The following LOXHD1 variants were observed in gnomAD, a reference collection of about 807,000 sequenced individuals.
LOXHD1 encodes the protein lipoxygenase homology PLAT domains 1.
LOXHD1 carries 205 observed loss-of-function variants against 248.2 expected under a neutral mutation model. The observed-to-expected ratio is 0.83, with a 90% CI of 0.74 to 0.93. The LOEUF (loss-of-function observed/expected upper bound fraction) is 0.93, where lower values mean the gene tolerates loss of function less well. Among genes scored for constraint, LOXHD1 ranks in the 40% least tolerant of loss-of-function variants. The probability of loss-of-function intolerance (pLI) is 0.00; values close to 1 mark genes in which losing one functional copy is unlikely to be tolerated. For missense variants in LOXHD1, 2,930 were observed against 2,971.6 expected, an observed-to-expected ratio of 0.99 and a Z score of 0.33; for synonymous variants, 1,113 against 1,162.8, an observed-to-expected ratio of 0.96 and a Z score of 0.87.
chr18:46,607,726 A>G (rs2038439334), intron 6 of LOXHD1, among the ~76,000 whole-genome samples: 1 of 152,110 alleles, frequency 6.6e-6, no homozygotes, highest in Non-Finnish European at 1.5e-5. Flanking sequence ...GGAACAGCAA[A>G]TCAATGATGT....
chr18:46,616,227 C>G (rs2038585092), intron 5 of LOXHD1, among the ~76,000 whole-genome samples: 1 of 151,870 alleles, frequency 6.6e-6, no homozygotes, highest in African/African-American at 2.4e-5. Flanking sequence ...CATTTCCTTC[C>G]TTCGATTGGA....
At chr18:46,522,027 CG>C in intron 32 of LOXHD1, 73 bp downstream of exon 32, 1 of 1,174,336 alleles carries the variant, frequency 8.5e-7, no homozygotes. Flanking sequence ...TGCACTCTCC[CG>C]CCCACCCAGG....
Position 46,579,662 on chromosome 18 carries a change from T to C in LOXHD1, c.1777A>G (p.Arg593Gly), listed in dbSNP as rs2037925538. ...TTTTCAAACAGGTCTGTGTTATTCC[T>C]GCAGTTGTAGAGCAGCCGTTCCCCC... ...DTGERLLYNC[R>G]NNTDLFEKGN... The change falls in exon 13 of 41, where the codon AGG becomes GGG. Residue 593 changes from arginine to glycine, a missense_variant. By Grantham distance (125) the Arg-to-Gly change is moderately radical. Transcript: ENST00000642948. The C allele has an allele frequency of 3.2e-6, 5 of 1,551,724 alleles. No individual in the cohort carries two copies. Among genetic ancestry groups the C allele is most frequent in the Non-Finnish European group, 4.4e-6 (5 of 1,146,998 alleles).
intron 37 of LOXHD1, among the ~76,000 whole-genome samples, chr18:46,504,941 C>T (rs943935081): frequency 8.5e-5 from 13 of 152,160 alleles, no homozygotes; most frequent in African/African-American, 2.9e-4. Context: ...CTAATTATAA[C>T]AAATAGAACT....
intron 21 of LOXHD1, among the ~76,000 whole-genome samples, chr18:46,551,163 C>A (rs1363165632): frequency 6.7e-6 from 1 of 150,006 alleles, no homozygotes; most frequent in South Asian, 2.1e-4. Flanking sequence ...AGTGCAGTGG[C>A]GCAATCTCGG....
intron 37 of LOXHD1, among the ~76,000 whole-genome samples, chr18:46,489,933 T>C (rs964623844): frequency 6.6e-5 from 10 of 152,242 alleles, no homozygotes; most frequent in Admixed American, 5.9e-4. Context: ...CTGCTATTTC[T>C]TTTGGGTATG....
chr18:46,538,004 T>C (rs2036389025), intron 26 of LOXHD1, among the ~76,000 whole-genome samples, 152 bp downstream of exon 26: 1 of 152,196 alleles, frequency 6.6e-6, no homozygotes, highest in Non-Finnish European at 1.5e-5. Context: ...TTGGATGTAC[T>C]GAGGCCCAGG....
At chr18:46,504,929 T>A (rs2034464729) in intron 37 of LOXHD1, among the ~76,000 whole-genome samples, 1 of 152,184 alleles carries the variant, frequency 6.6e-6, no homozygotes, top group Admixed American at 6.5e-5. Flanking sequence ...AACAACTCTA[T>A]CCTAATTATA....
intron 4 of LOXHD1, among the ~76,000 whole-genome samples, chr18:46,629,876 TC>T (rs553190995): frequency 1.3e-3 from 190 of 151,782 alleles, no homozygotes; most frequent in Non-Finnish European, 2.0e-3. Flanking sequence ...GTAAACGTCA[TC>T]CACCCCTCCC....
chr18:46,480,350 G>A (rs1252076289), intron 40 of LOXHD1, among the ~76,000 whole-genome samples: 1 of 152,036 alleles, frequency 6.6e-6, no homozygotes, highest in Non-Finnish European at 1.5e-5. Context: ...ACAGACCCAC[G>A]TGTACATAGA....
intron 18 of LOXHD1, among the ~76,000 whole-genome samples, chr18:46,561,933 G>T (rs1449617050): frequency 1.3e-5 from 2 of 152,138 alleles, no homozygotes; most frequent in Non-Finnish European, 2.9e-5. Context: ...ACATCTGTCT[G>T]CCCAGCCGTG....
chr18:46,592,156 A>AAT, intron 11 of LOXHD1, 88 bp from the exon 12 acceptor site: 1 of 1,492,078 alleles, frequency 6.7e-7, no homozygotes, highest in Non-Finnish European at 9.1e-7. Flanking sequence ...CTCATTGCAG[A>AAT]GAAGCCAAGG....
intron 2 of LOXHD1, among the ~76,000 whole-genome samples, chr18:46,642,267 G>C (rs116778072): frequency 0.019 from 2,948 of 152,294 alleles, 99 homozygotes; most frequent in African/African-American, 0.067. Context: ...TCCTTGCTGT[G>C]AGTCACTAAA....
intron 9 of LOXHD1, 98 bp from the exon 10 acceptor site, chr18:46,593,858 A>C: frequency 7.6e-7 from 1 of 1,315,606 alleles, no homozygotes; most frequent in Non-Finnish European, 1.1e-6. Context: ...ATCAGGACTG[A>C]AGGGCGGGGT....
At chr18:46,648,354 C>T (rs981941363) in intron 2 of LOXHD1, among the ~76,000 whole-genome samples, 1 of 152,208 alleles carries the variant, frequency 6.6e-6, no homozygotes, top group African/African-American at 2.4e-5. Context: ...CTCCATGACT[C>T]TGAGCTACTC....
At chr18:46,526,664 A>AT (rs1207161207) in intron 29 of LOXHD1, among the ~76,000 whole-genome samples, 1 of 152,234 alleles carries the variant, frequency 6.6e-6, no homozygotes, top group African/African-American at 2.4e-5. Context: ...TCTGGGACCC[A>AT]TGGGGAGCCT....
chr18:46,626,525 G>A (rs572293014), intron 4 of LOXHD1, among the ~76,000 whole-genome samples: 1 of 152,246 alleles, frequency 6.6e-6, no homozygotes, highest in East Asian at 1.9e-4. Context: ...GCAACAGAGT[G>A]AGATGCCATC....
intron 4 of LOXHD1, among the ~76,000 whole-genome samples, chr18:46,637,328 C>T (rs1943077): frequency 6.6e-6 from 1 of 152,168 alleles, no homozygotes; most frequent in Non-Finnish European, 1.5e-5. Context: ...GGTGTCTACC[C>T]TGAGGATTCT....
In LOXHD1 at chr18:46,529,183, T is replaced by C; in HGVS notation, c.4524A>G (p.Arg1508=). ...CTCCGTGTGCCCCTCATACCGTTCC[T>C]CTCTCGAACTTGTTGGTCCGGTTCT... ...KSENRTNKFE[R]GTADTFIIEA... Residue 1508 remains arginine, a synonymous_variant, in exon 29 of 41, where the codon AGA becomes AGG. Transcript: ENST00000642948. The C allele has an allele frequency of 6.4e-7, 1 of 1,551,498 alleles. No individual in the cohort carries two copies. The highest frequency in any genetic ancestry group is 8.7e-7 in the Non-Finnish European group (1 of 1,146,958).
Sources: gnomAD v4.1 joint callset for allele counts (sites outside exome capture counted in the v4.1 genomes callset) on GRCh38, gnomAD v4.1.1 for gene constraint, MANE v1.5 for transcripts, NCBI Gene and HGNC (gene_info 2026-07-23, HGNC 2026-07-21) for gene names.